Variants in CEP350 observed in about 807,000 individuals in gnomAD.
The protein encoded by CEP350 is centrosome-associated protein 350.
CEP350 carries 126 observed loss-of-function variants against 331.8 expected under a neutral mutation model. The ratio of observed to expected loss-of-function variants is 0.38; its 90% CI spans 0.33 to 0.44. The LOEUF is 0.44. Among genes scored for constraint, CEP350 ranks in the 20% least tolerant of loss-of-function variants. The pLI is 1.00. For synonymous variants in CEP350, 1,200 were observed against 1,259.5 expected (o/e 0.95, Z 1.00); for missense variants, 3,406 against 3,634.6 (o/e 0.94, Z 1.62).
In CEP350 at chr1:180,064,469, A is replaced by G. The variant is rs892207725; in HGVS notation, c.5410-646A>G. The stretch of plus-strand genomic sequence containing the variant: ...TTTTTTAAACAAAATAAAAACAGTC[A>G]TTACTGTTGCTACCCATCTTCCTGA... On this transcript the variant is annotated intron_variant, in intron 26 of 37. Coordinates refer to ENST00000367607, the MANE Select transcript of CEP350 (RefSeq NM_014810.5). Among the ~76,000 whole-genome samples the G allele has an allele frequency of 1.6e-4, 24 of 152,238 alleles. 1 individual carries two copies. The highest frequency in any genetic ancestry group is 8.3e-4 in the South Asian group (4 of 4,826).
chr1:179,968,292 C>T (rs894997877), intron 1 of CEP350, among the ~76,000 whole-genome samples: 5 of 149,460 alleles, frequency 3.3e-5, no homozygotes, highest in African/African-American at 1.2e-4. Context: ...GATTGCGCCA[C>T]TGCACTCCCG....
chr1:180,074,687 A>G (rs1218906506), intron 27 of CEP350, among the ~76,000 whole-genome samples: 1 of 128,180 alleles, frequency 7.8e-6, no homozygotes, highest in Non-Finnish European at 1.9e-5. Context: ...ATCTTCTGTT[A>G]TGGAAAAGAA....
At position 179,957,427 on chromosome 1, in the gene CEP350, TATC is replaced by T. The variant is rs758789896; in HGVS notation, c.-14+2288_-14+2290del. On this transcript the variant is annotated intron_variant, in intron 1 of 37. Coordinates refer to ENST00000367607, the MANE Select transcript of CEP350 (RefSeq NM_014810.5). The stretch of plus-strand genomic sequence containing the variant: ...ATTTGTTGTTGTTGTTGTTCATTGT[TATC>T]ATAAGTGTGATTTTACATTTACTTG... Among the ~76,000 whole-genome samples the T allele has an allele frequency of 3.9e-5, 6 of 152,334 alleles. No individual in the cohort carries two copies. The East Asian group carries it at 7.7e-4, about 20-fold the overall frequency.
chr1:179,966,753 T>C (rs1165960061), intron 1 of CEP350, among the ~76,000 whole-genome samples: 1 of 152,188 alleles, frequency 6.6e-6, no homozygotes, highest in East Asian at 1.9e-4. Flanking sequence ...GTCCAATTTC[T>C]GTTGTAACTT....
At chr1:180,036,095 G>A (rs149357916) in intron 16 of CEP350, among the ~76,000 whole-genome samples, 1,578 of 152,260 alleles carry the variant, frequency 0.01, 15 homozygotes, top group Middle Eastern at 0.048. Context: ...CTTCAGTGGA[G>A]GAAATAACTG....
intron 21 of CEP350, among the ~76,000 whole-genome samples, chr1:180,045,108 G>C (rs928495556): frequency 6.6e-6 from 1 of 152,104 alleles, no homozygotes; most frequent in Non-Finnish European, 1.5e-5. Context: ...TTGGGAGGCC[G>C]AGGTGGGAAG....
Position 180,031,946 on chromosome 1 carries a change from C to A in CEP350, c.3725+452C>A, listed in dbSNP as rs191969475. On this transcript the variant is annotated intron_variant, in intron 15 of 37. Coordinates refer to ENST00000367607, the MANE Select transcript of CEP350 (RefSeq NM_014810.5). ...CTATAAATGTCAATTCTCATCTATT[C>A]ATCCATTCTTTCAACACAGCTACTT... Among the ~76,000 whole-genome samples, 202 of 152,198 alleles carry A rather than the reference C, an allele frequency of 1.3e-3. 1 individual carries two copies. Among genetic ancestry groups the A allele is most frequent in the African/African-American group, 4.6e-3 (193 of 41,568 alleles).
intron 27 of CEP350, among the ~76,000 whole-genome samples, chr1:180,071,557 A>G (rs1055016722): frequency 6.6e-6 from 1 of 151,824 alleles, no homozygotes; most frequent in Non-Finnish European, 1.5e-5. Flanking sequence ...CAGATGGATC[A>G]CCTGAGGTCA....
chr1:180,027,155 C>T (rs567889870), intron 14 of CEP350, among the ~76,000 whole-genome samples: 2 of 152,124 alleles, frequency 1.3e-5, no homozygotes, highest in South Asian at 2.1e-4. Flanking sequence ...TCCTAATGGG[C>T]GTGAAATGTT....
At chr1:179,960,572 A>G (rs1382957594) in intron 1 of CEP350, among the ~76,000 whole-genome samples, 1 of 152,032 alleles carries the variant, frequency 6.6e-6, no homozygotes, top group Non-Finnish European at 1.5e-5. Flanking sequence ...ACCACACAAG[A>G]GATTGTGTTC....
intron 1 of CEP350, chr1:179,969,040 A>G (rs1029452842): frequency 8.1e-6 from 6 of 743,478 alleles, no homozygotes; most frequent in African/African-American, 5.1e-5. Context: ...CTCAAACTGA[A>G]GCATCTTAGG....
At chr1:180,046,220 G>A (rs12129115) in intron 21 of CEP350, among the ~76,000 whole-genome samples, 12,674 of 152,206 alleles carry the variant, frequency 0.083, 701 homozygotes, top group Non-Finnish European at 0.12. Context: ...AAGAAACTCA[G>A]TAACCATTAG....
chr1:180,091,238 C>G (rs1462409656), intron 33 of CEP350, among the ~76,000 whole-genome samples: 5 of 151,322 alleles, frequency 3.3e-5, no homozygotes, highest in African/African-American at 1.2e-4. Flanking sequence ...AGGCTGGTCT[C>G]GAACTCTTGG....
At chr1:180,012,447 A>G (rs545560268) in intron 9 of CEP350, among the ~76,000 whole-genome samples, 1 of 152,222 alleles carries the variant, frequency 6.6e-6, no homozygotes, top group East Asian at 1.9e-4. Flanking sequence ...GATTTTTTTT[A>G]TTTGACAGAT....
intron 29 of CEP350, among the ~76,000 whole-genome samples, chr1:180,079,481 T>C (rs1400501246): frequency 2.6e-5 from 4 of 151,898 alleles, no homozygotes; most frequent in Non-Finnish European, 5.9e-5. Context: ...GAAAAACATA[T>C]TTTATTCATT....
chr1:180,106,004 T>G (rs1661121013), intron 37 of CEP350, among the ~76,000 whole-genome samples: 2 of 152,228 alleles, frequency 1.3e-5, no homozygotes, highest in Non-Finnish European at 2.9e-5. Context: ...CACTCCCCCT[T>G]TTTCTTTCAC....
Position 180,093,367 on chromosome 1 carries a change from G to A in CEP350, c.7262G>A (p.Ser2421Asn). ...SCRDKPQPMR[S>N]STSGATSFGS... ...AGAGATAAGCCACAGCCAATGAGGA[G>A]CTCTACAAGTGGAGCCACTAGCTTT... The change falls in exon 34 of 38, where the codon AGC (serine) becomes AAC (asparagine). Residue 2421 changes from serine (S) to asparagine (N), a missense_variant. By Grantham distance (46) the Ser-to-Asn change is conservative (BLOSUM62 1). This residue lies in a region of CEP350 where 1,415 missense variants were observed against 1,512.3 expected (regional missense o/e 0.94). Coordinates refer to ENST00000367607, the MANE Select transcript of CEP350 (RefSeq NM_014810.5). The A allele has an allele frequency of 1.9e-6, 3 of 1,600,750 alleles. No homozygotes were observed. In the South Asian group the frequency reaches 3.4e-5, roughly 18 times the overall value.
chr1:179,968,073 A>G (rs974919803), intron 1 of CEP350, among the ~76,000 whole-genome samples: 4 of 152,266 alleles, frequency 2.6e-5, no homozygotes, highest in Non-Finnish European at 2.9e-5. Flanking sequence ...GCTCAGGCCT[A>G]TAGTCCCAGC....
At position 180,095,916 on chromosome 1, in the gene CEP350, A is replaced by G. The variant is rs568287136; in HGVS notation, c.8905A>G (p.Arg2969Gly). ...KGLDIESTSK[R>G]VYKQAVFDLT... is the part of the protein sequence containing the mutation. ...TCTAGATATAGAAAGCACTAGTAAAAGGGTCTACAAACAGGTAGGTGAAAT... is the reference window on the plus strand; with the variant it reads ...TCTAGATATAGAAAGCACTAGTAAAGGGGTCTACAAACAGGTAGGTGAAAT... Residue 2969 changes from arginine (R) to glycine (G), a missense_variant, in exon 35 of 38, where the codon AGG becomes GGG. Around this residue, in one of 5 missense-constraint regions of CEP350, gnomAD observed 1,415 missense variants for 1,512.3 expected, o/e 0.94. Transcript: ENST00000367607. 14 of 1,598,554 alleles carry G rather than the reference A, an allele frequency of 8.8e-6. No homozygotes were observed. In the East Asian group the frequency reaches 2.7e-4, roughly 31 times the overall value.
Sources: gnomAD v4.1 joint callset for allele counts (sites outside exome capture counted in the v4.1 genomes callset) on GRCh38, gnomAD v4.1.1 for gene constraint, gnomAD v4.1.1 regional missense constraint, MANE v1.5 for transcripts, NCBI Gene and HGNC (gene_info 2026-07-23, HGNC 2026-07-21) for gene names.